NKAIN2: variants seen among roughly 807,000 people sequenced by gnomAD.
NKAIN2 encodes the protein sodium/potassium-transporting ATPase subunit beta-1-interacting protein 2.
NKAIN2 carries 14 observed loss-of-function variants against 32.6 expected under a neutral mutation model. The observed-to-expected ratio is 0.43, with a 90% CI of 0.28 to 0.67. The LOEUF (loss-of-function observed/expected upper bound fraction) is 0.67, where lower values mean the gene tolerates loss of function less well. Ranked by LOEUF, NKAIN2 falls within the 30% of genes least tolerant of loss-of-function variation. The pLI is 0.17. For missense variants in NKAIN2, 198 were observed against 258.3 expected, an observed-to-expected ratio of 0.77 and a Z score of 1.60; for synonymous variants, 80 against 87.2, an observed-to-expected ratio of 0.92 and a Z score of 0.46.
chr6:124,437,251 AT>A (rs1385429458), intron 3 of NKAIN2, among the ~76,000 whole-genome samples: 4 of 152,156 alleles, frequency 2.6e-5, no homozygotes, highest in Non-Finnish European at 5.9e-5. Context: ...AGGGCAGGGA[AT>A]TTTTTTCTTG....
At chr6:123,939,139 C>T (rs1180633164) in intron 1 of NKAIN2, among the ~76,000 whole-genome samples, 1 of 151,952 alleles carries the variant, frequency 6.6e-6, no homozygotes, top group Admixed American at 6.6e-5. Flanking sequence ...AATGTTAAGA[C>T]TCCAACCAAG....
intron 3 of NKAIN2, among the ~76,000 whole-genome samples, chr6:124,578,859 GAA>G (rs1277951252): frequency 6.6e-6 from 1 of 152,056 alleles, no homozygotes; most frequent in African/African-American, 2.4e-5. Flanking sequence ...GCTCAGCGCA[GAA>G]AGAGACAGAA....
chr6:124,023,762 T>C (rs1205857137), intron 1 of NKAIN2, among the ~76,000 whole-genome samples: 1 of 152,194 alleles, frequency 6.6e-6, no homozygotes, highest in African/African-American at 2.4e-5. Context: ...TCAAGAAAGA[T>C]ATTTGTATAT....
rs756437606 is a variant in NKAIN2, at chr6:123,896,171, A to G, written c.54+91917A>G. ...CTTGAGAAGTAAAGAGATGAAATGGAGAAAGAACTGAGACTTACTGAATGC... is the reference window on the plus strand; with the variant it reads ...CTTGAGAAGTAAAGAGATGAAATGGGGAAAGAACTGAGACTTACTGAATGC... On this transcript the variant is annotated intron_variant, in intron 1 of 6. Coordinates refer to ENST00000368417, the MANE Select transcript of NKAIN2 (RefSeq NM_001040214.3). Among the ~76,000 whole-genome samples, 8 of 152,348 alleles carry G rather than the reference A, an allele frequency of 5.3e-5. No individual in the cohort carries two copies. In the South Asian group the frequency reaches 8.3e-4, roughly 16 times the overall value.
intron 3 of NKAIN2, among the ~76,000 whole-genome samples, chr6:124,510,337 T>C (rs1272372957): frequency 6.6e-6 from 1 of 152,158 alleles, no homozygotes; most frequent in Admixed American, 6.5e-5. Flanking sequence ...CTTTAAAAAT[T>C]AATTTGAGAA....
At chr6:123,875,046 T>C (rs916102890) in intron 1 of NKAIN2, among the ~76,000 whole-genome samples, 15 of 152,052 alleles carry the variant, frequency 9.9e-5, no homozygotes, top group African/African-American at 3.6e-4. Flanking sequence ...TATAGGTGCA[T>C]TGGAAAATTT....
chr6:124,068,185 A>G (rs2114872993), intron 1 of NKAIN2, among the ~76,000 whole-genome samples: 1 of 152,308 alleles, frequency 6.6e-6, no homozygotes, highest in South Asian at 2.1e-4. Context: ...ATAATGTACT[A>G]GAAACAAATA....
chr6:124,463,278 G>T (rs1776605798), intron 3 of NKAIN2, among the ~76,000 whole-genome samples: 1 of 151,962 alleles, frequency 6.6e-6, no homozygotes, highest in Non-Finnish European at 1.5e-5. Flanking sequence ...TTTAATTATT[G>T]CCACTACTAC....
At chr6:124,146,279 TAC>T (rs1040536160) in intron 1 of NKAIN2, among the ~76,000 whole-genome samples, 6 of 152,140 alleles carry the variant, frequency 3.9e-5, no homozygotes, top group Admixed American at 1.3e-4. Flanking sequence ...AAAAAAAATG[TAC>T]AGTTTTCTTT....
chr6:123,994,933 G>A (rs1779556615), intron 1 of NKAIN2, among the ~76,000 whole-genome samples: 1 of 152,100 alleles, frequency 6.6e-6, no homozygotes, highest in Admixed American at 6.6e-5. Context: ...CATATATGAG[G>A]GGGAGCTCAA....
At chr6:124,086,135 A>G (rs2114917821) in intron 1 of NKAIN2, among the ~76,000 whole-genome samples, 1 of 152,114 alleles carries the variant, frequency 6.6e-6, no homozygotes, top group South Asian at 2.1e-4. Flanking sequence ...CATAGTTTCA[A>G]TAATTCATTA....
At chr6:124,195,081 A>G (rs751443127) in intron 1 of NKAIN2, among the ~76,000 whole-genome samples, 2 of 151,524 alleles carry the variant, frequency 1.3e-5, no homozygotes, top group Non-Finnish European at 2.9e-5. Flanking sequence ...ATAATATTAA[A>G]CATTATAAAT....
chr6:123,943,471 C>T (rs1396058452), intron 1 of NKAIN2, among the ~76,000 whole-genome samples: 1 of 151,912 alleles, frequency 6.6e-6, no homozygotes, highest in Non-Finnish European at 1.5e-5. Context: ...ATTCTTTGTC[C>T]CCTTGTGGAA....
At chr6:124,415,536 G>A (rs947101070) in intron 3 of NKAIN2, among the ~76,000 whole-genome samples, 5 of 152,132 alleles carry the variant, frequency 3.3e-5, no homozygotes, top group African/African-American at 1.2e-4. Flanking sequence ...TTTTTATGGA[G>A]GCTTCATTAT....
chr6:124,197,621 A>G (rs1039187195), intron 1 of NKAIN2, among the ~76,000 whole-genome samples: 5 of 152,174 alleles, frequency 3.3e-5, no homozygotes, highest in African/African-American at 1.2e-4. Context: ...TTTGTACAGT[A>G]AAATTCACCC....
chr6:123,824,160 A>T (rs1312325684), intron 1 of NKAIN2, among the ~76,000 whole-genome samples: 1 of 152,120 alleles, frequency 6.6e-6, no homozygotes, highest in Non-Finnish European at 1.5e-5. Flanking sequence ...GAAATACAAC[A>T]CATAGTCAGG....
intron 1 of NKAIN2, among the ~76,000 whole-genome samples, chr6:123,850,109 CT>C (rs898951495): frequency 1.8e-4 from 28 of 151,414 alleles, no homozygotes; most frequent in African/African-American, 6.5e-4. Flanking sequence ...TGCCGAGCTG[CT>C]TTTTTTCTTT....
chr6:124,405,059 C>G (rs1773788870), intron 3 of NKAIN2, among the ~76,000 whole-genome samples: 1 of 152,096 alleles, frequency 6.6e-6, no homozygotes, highest in Admixed American at 6.6e-5. Context: ...CTATTTGCTT[C>G]TATAGTAGTG....
intron 1 of NKAIN2, among the ~76,000 whole-genome samples, chr6:124,063,831 G>A (rs113076666): frequency 6.6e-6 from 1 of 152,098 alleles, no homozygotes; most frequent in Non-Finnish European, 1.5e-5. Flanking sequence ...ATGGAATTGA[G>A]CAGTATTATA....
Sources: gnomAD v4.1 joint callset for allele counts (sites outside exome capture counted in the v4.1 genomes callset) on GRCh38, gnomAD v4.1.1 for gene constraint, MANE v1.5 for transcripts, NCBI Gene and HGNC (gene_info 2026-07-23, HGNC 2026-07-21) for gene names.